Variants in B3GAT2 observed in about 807,000 individuals in gnomAD.
The protein encoded by B3GAT2 is beta-1,3-glucuronyltransferase 2, also known as galactosylgalactosylxylosylprotein 3-beta-glucuronosyltransferase 2.
B3GAT2 carries 26 observed loss-of-function variants against 27.8 expected under a neutral mutation model. The ratio of observed to expected loss-of-function variants is 0.93; its 90% CI spans 0.68 to 1.30. The LOEUF (loss-of-function observed/expected upper bound fraction) is 1.30, where lower values mean the gene tolerates loss of function less well. B3GAT2 is among the 50% of genes most tolerant of loss of function. The pLI, the probability that B3GAT2 is intolerant of heterozygous loss-of-function variation, is 0.00. For missense variants in B3GAT2, 458 were observed against 459.0 expected (o/e 1.00, Z 0.02); for synonymous variants, 218 against 195.1 (o/e 1.12, Z -0.98).
Position 70,956,538 on chromosome 6 carries a change from G to T in B3GAT2, c.-109C>A. ...CAGCACTTAGGGAGTGGTGATGGGT[G>T]CGCTGTCCATGGGGCCGAGGGCGCT... On this transcript the variant is annotated 5_prime_UTR_variant, in exon 1 of 4. Transcript: ENST00000230053. 6.6e-7 allele frequency: 1 copy of T among 1,514,298 alleles called. No homozygotes were observed. Among genetic ancestry groups the T allele is most frequent in the Non-Finnish European group, 8.8e-7 (1 of 1,133,086 alleles). The allele number at this position is 1,514,298 out of a possible 1,614,324, so 93.8% of individuals were successfully genotyped here.
chr6:70,918,051 G>C (rs887218983), intron 1 of B3GAT2, among the ~76,000 whole-genome samples: 68 of 152,150 alleles, frequency 4.5e-4, no homozygotes, highest in African/African-American at 1.6e-3. Context: ...TGTAGACTTA[G>C]TCTCTAAGAA....
At chr6:70,878,525 G>A (rs920562482) in intron 2 of B3GAT2, among the ~76,000 whole-genome samples, 1 of 151,888 alleles carries the variant, frequency 6.6e-6, no homozygotes, top group Non-Finnish European at 1.5e-5. Flanking sequence ...TCTCTTTATT[G>A]TCCATCTCCA....
intron 1 of B3GAT2, among the ~76,000 whole-genome samples, chr6:70,901,351 T>C (rs182067228): frequency 9.2e-5 from 14 of 152,268 alleles, no homozygotes; most frequent in African/African-American, 3.4e-4. Flanking sequence ...GCCATTCTCT[T>C]ATAAAAGAAA....
intron 2 of B3GAT2, among the ~76,000 whole-genome samples, chr6:70,885,617 C>T (rs936255206): frequency 2.0e-5 from 3 of 152,244 alleles, no homozygotes; most frequent in Admixed American, 6.5e-5. Flanking sequence ...GAGCCCACAG[C>T]GGAGTTCAAA....
chr6:70,857,129 A>G lies in B3GAT2; in HGVS notation c.*4534T>C. 8.2e-7 allele frequency: 1 copy of G among 1,219,856 alleles called. No homozygotes were observed. The highest frequency in any genetic ancestry group is 1.1e-6 in the Non-Finnish European group (1 of 912,236). The allele number at this position is 1,219,856 out of a possible 1,614,324, so 75.6% of individuals were successfully genotyped here. A position where few individuals can be genotyped will look rare whatever the true frequency, so the allele number is the denominator to read the frequency against. On this transcript the variant is annotated 3_prime_UTR_variant, in exon 4 of 4. Transcript: ENST00000230053. ...TTATATATCTTTTATTGTTCCATGT[A>G]GTGAGTGCTTTTGTTGTTGCAGTTT...
chr6:70,909,261 G>T (rs1772649676), intron 1 of B3GAT2, among the ~76,000 whole-genome samples: 1 of 152,100 alleles, frequency 6.6e-6, no homozygotes, highest in African/African-American at 2.4e-5. Context: ...TGGGAAAAGA[G>T]TATCAGGAAA....
intron 1 of B3GAT2, among the ~76,000 whole-genome samples, chr6:70,897,156 A>G (rs1474880987): frequency 2.0e-5 from 3 of 152,178 alleles, no homozygotes; most frequent in African/African-American, 7.2e-5. Context: ...GCATTATTTT[A>G]ATGACTAATA....
rs748140588 is a variant in B3GAT2 at position 70,874,157 on chromosome 6, GA to G, written c.737-12180del. ...CTCTTTTGCTGAAAACTGAACATTT[GA>G]AATAATATAATGTGACAACTCTGGA... is the stretch of plus-strand genomic sequence containing the variant. On this transcript the variant is annotated intron_variant, in intron 2 of 3. Transcript: ENST00000230053. 2.0e-5 allele frequency among the ~76,000 whole-genome samples: 3 copies of G among 152,116 alleles called. No individual in the cohort carries two copies. The East Asian group carries it at 5.8e-4, about 29-fold the overall frequency.
chr6:70,936,480 C>A (rs1765282710), intron 1 of B3GAT2, among the ~76,000 whole-genome samples: 1 of 152,018 alleles, frequency 6.6e-6, no homozygotes, highest in Admixed American at 6.6e-5. Flanking sequence ...ACACCTATTC[C>A]AAAATTGACC....
chr6:70,911,582 G>A (rs879113101), intron 1 of B3GAT2, among the ~76,000 whole-genome samples: 2 of 152,122 alleles, frequency 1.3e-5, no homozygotes, highest in Non-Finnish European at 2.9e-5. Flanking sequence ...GTAATGTGAT[G>A]CCTCCAGTTT....
chr6:70,893,309 GGC>G (rs1178311001), intron 2 of B3GAT2, among the ~76,000 whole-genome samples: 1 of 152,164 alleles, frequency 6.6e-6, no homozygotes, highest in Non-Finnish European at 1.5e-5. Context: ...AGCACAGGCT[GGC>G]AGCCCGACAG....
At chr6:70,903,941 C>G (rs1030962090) in intron 1 of B3GAT2, among the ~76,000 whole-genome samples, 1 of 152,030 alleles carries the variant, frequency 6.6e-6, no homozygotes, top group Admixed American at 6.5e-5. Context: ...CCTGAATGTT[C>G]AAACAGTTTC....
chr6:70,953,523 G>A (rs1471689241), intron 1 of B3GAT2, among the ~76,000 whole-genome samples: 3 of 152,198 alleles, frequency 2.0e-5, no homozygotes, highest in Non-Finnish European at 2.9e-5. Context: ...AAACAATGCT[G>A]GTGGGGGAGT....
At chr6:70,919,040 C>T (rs374656222) in intron 1 of B3GAT2, among the ~76,000 whole-genome samples, 4 of 152,158 alleles carry the variant, frequency 2.6e-5, no homozygotes, top group Admixed American at 6.5e-5. Flanking sequence ...ACCAATCAAA[C>T]GTAGATTTGG....
chr6:70,907,652 T>TA (rs1772623279), intron 1 of B3GAT2, among the ~76,000 whole-genome samples: 2 of 152,218 alleles, frequency 1.3e-5, no homozygotes, highest in African/African-American at 4.8e-5. Context: ...AAAATTCATA[T>TA]AAGTCAATTT....
At chr6:70,914,937 G>A (rs1772744314) in intron 1 of B3GAT2, among the ~76,000 whole-genome samples, 1 of 152,088 alleles carries the variant, frequency 6.6e-6, no homozygotes, top group Non-Finnish European at 1.5e-5. Context: ...GGGATTGCTG[G>A]GTCAAATGGT....
At chr6:70,941,583 A>G (rs987423440) in intron 1 of B3GAT2, among the ~76,000 whole-genome samples, 1 of 152,040 alleles carries the variant, frequency 6.6e-6, no homozygotes, top group African/African-American at 2.4e-5. Context: ...TGCTCATGAC[A>G]TTCTCTTTCC....
At chr6:70,935,204 G>C (rs1324530217) in intron 1 of B3GAT2, among the ~76,000 whole-genome samples, 6 of 152,046 alleles carry the variant, frequency 3.9e-5, no homozygotes, top group Non-Finnish European at 5.9e-5. Flanking sequence ...CCAGTACTTT[G>C]GAAAGATGAG....
intron 2 of B3GAT2, among the ~76,000 whole-genome samples, chr6:70,866,993 T>G (rs1432690638): frequency 2.6e-5 from 4 of 152,062 alleles, no homozygotes; most frequent in African/African-American, 9.7e-5. Flanking sequence ...GGAATTAAAA[T>G]AGATATCAGT....
Sources: allele counts gnomAD v4.1 joint callset (sites outside exome capture counted in the v4.1 genomes callset), GRCh38; gene constraint gnomAD v4.1.1; transcripts MANE v1.5; gene names NCBI Gene and HGNC (gene_info 2026-07-23, HGNC 2026-07-21).